The following PPHLN1 variants were observed in gnomAD, a reference collection of about 807,000 sequenced individuals.
PPHLN1 encodes the protein periphilin 1.
A neutral mutation model predicts 51.3 loss-of-function variants in PPHLN1; 29 were observed. The ratio of observed to expected loss-of-function variants is 0.57; its 90% CI spans 0.42 to 0.77. The LOEUF is 0.77. Among genes scored for constraint, PPHLN1 ranks in the 30% least tolerant of loss-of-function variants. The probability of loss-of-function intolerance (pLI) is 0.00; values close to 1 mark genes in which losing one functional copy is unlikely to be tolerated. For synonymous variants in PPHLN1, 147 were observed against 147.8 expected (o/e 0.99, Z 0.04); for missense variants, 436 against 438.4 (o/e 0.99, Z 0.05).
intron 2 of PPHLN1, among the ~76,000 whole-genome samples, chr12:42,344,090 A>C (rs2071904642): frequency 6.6e-6 from 1 of 152,116 alleles, no homozygotes; most frequent in Admixed American, 6.5e-5. Flanking sequence ...AGTAAAATAA[A>C]ATTGAGATAG....
intron 3 of PPHLN1, among the ~76,000 whole-genome samples, chr12:42,353,142 G>A (rs2073606049): frequency 6.6e-6 from 1 of 152,016 alleles, no homozygotes; most frequent in Non-Finnish European, 1.5e-5. Context: ...CTTCTCTTGA[G>A]CATTCTTAAT....
intron 2 of PPHLN1, among the ~76,000 whole-genome samples, chr12:42,350,488 A>G (rs7300622): frequency 0.99 from 148,824 of 150,172 alleles, 73,757 homozygotes; most frequent in Middle Eastern, 1. Flanking sequence ...AGAGTGGGCG[A>G]CTGGGCAGAG....
At chr12:42,358,428 T>C (rs887228529) in intron 4 of PPHLN1, among the ~76,000 whole-genome samples, 3 of 152,230 alleles carry the variant, frequency 2.0e-5, no homozygotes, top group African/African-American at 7.2e-5. Context: ...CAAAGTTCTG[T>C]CACCCAGGCT....
chr12:42,387,379 T>G, intron 6 of PPHLN1, 77 bp from the exon 7 acceptor site: 1 of 1,477,318 alleles, frequency 6.8e-7, no homozygotes, highest in Non-Finnish European at 9.2e-7. Context: ...GACCCCCACA[T>G]TAATTCCATT....
chr12:42,382,342 C>T (rs1211558063), intron 5 of PPHLN1, among the ~76,000 whole-genome samples: 1 of 152,118 alleles, frequency 6.6e-6, no homozygotes, highest in African/African-American at 2.4e-5. Context: ...TATTCTTTCA[C>T]TCATCAATAT....
chr12:42,328,047 A>C (rs1394698544), intron 1 of PPHLN1, among the ~76,000 whole-genome samples: 4 of 152,216 alleles, frequency 2.6e-5, no homozygotes, highest in Non-Finnish European at 5.9e-5. Flanking sequence ...AAGTGGGTCA[A>C]ACACAAGTCT....
chr12:42,424,084 A>C (rs530841480), intron 9 of PPHLN1, among the ~76,000 whole-genome samples: 18 of 152,340 alleles, frequency 1.2e-4, no homozygotes, highest in African/African-American at 4.3e-4. Context: ...CTATAACATC[A>C]TGATGGCGTT....
At chr12:42,369,277 G>A (rs2075574013) in intron 4 of PPHLN1, among the ~76,000 whole-genome samples, 2 of 152,070 alleles carry the variant, frequency 1.3e-5, no homozygotes, top group African/African-American at 2.4e-5. Flanking sequence ...GAAGTTCTCG[G>A]CATTTCATCC....
chr12:42,411,903 CAAAAAAA>C (rs1212289027), intron 9 of PPHLN1, among the ~76,000 whole-genome samples: 1 of 33,978 alleles, frequency 2.9e-5, no homozygotes, highest in Non-Finnish European at 5.0e-5. Flanking sequence ...GACTCAGTCT[CAAAAAAA>C]AAAAAAAAAA....
rs140769704 is a variant in PPHLN1, at chr12:42,440,875, G to A, written c.910-440G>A. Among the ~76,000 whole-genome samples, 405 of 152,266 alleles carry A rather than the reference G, an allele frequency of 2.7e-3. 1 individual carries two copies. Among genetic ancestry groups the A allele is most frequent in the African/African-American group, 9.2e-3 (382 of 41,550 alleles). Reference sequence around the variant, plus strand: ...CTAACAGGTGTGAGACACCGCACCCGGCCACTAAACAGAATTTGTTATCTG... The same window carrying A: ...CTAACAGGTGTGAGACACCGCACCCAGCCACTAAACAGAATTTGTTATCTG... On this transcript the variant is annotated intron_variant, in intron 9 of 9. Coordinates refer to ENST00000358314, the MANE Select transcript of PPHLN1 (RefSeq NM_201439.2).
At chr12:42,347,645 T>C (rs1382922965) in intron 2 of PPHLN1, among the ~76,000 whole-genome samples, 1 of 152,110 alleles carries the variant, frequency 6.6e-6, no homozygotes. Context: ...CTGGGCATGG[T>C]GGCATGCACC....
At chr12:42,425,547 C>G (rs1056821823) in intron 9 of PPHLN1, among the ~76,000 whole-genome samples, 1 of 150,494 alleles carries the variant, frequency 6.6e-6, no homozygotes, top group Non-Finnish European at 1.5e-5. Flanking sequence ...CCACCATGCT[C>G]AGTTAATTTT....
At chr12:42,429,775 T>C (rs1312803943) in intron 9 of PPHLN1, among the ~76,000 whole-genome samples, 1 of 152,216 alleles carries the variant, frequency 6.6e-6, no homozygotes, top group Admixed American at 6.5e-5. Context: ...GATTCATTAA[T>C]ATCTAACCCA....
rs756833208 is a variant in PPHLN1 at position 42,387,463 on chromosome 12, G to A, written c.576G>A (p.Glu192=). Residue 192 remains glutamate, a synonymous_variant, in exon 7 of 10, where the codon GAG becomes GAA. Transcript: ENST00000358314. The part of the protein sequence containing the change: ...QNEGNPERDK[E]RPVQSLKTSR... ...TTATGTTTTCTTATATAGATAAAGAGAGGCCTGTCCAGTCTTTGAAAACAT... is the reference window on the plus strand; with the variant it reads ...TTATGTTTTCTTATATAGATAAAGAAAGGCCTGTCCAGTCTTTGAAAACAT... The A allele has an allele frequency of 6.2e-7, 1 of 1,610,444 alleles. No homozygotes were observed. Among genetic ancestry groups the A allele is most frequent in the Non-Finnish European group, 8.5e-7 (1 of 1,178,902 alleles).
At chr12:42,424,220 AT>A (rs1434261424) in intron 9 of PPHLN1, among the ~76,000 whole-genome samples, 1 of 152,178 alleles carries the variant, frequency 6.6e-6, no homozygotes, top group Non-Finnish European at 1.5e-5. Context: ...CATGGTAGGT[AT>A]CTGGAGAAAG....
chr12:42,379,600 T>C (rs897377731), intron 5 of PPHLN1, among the ~76,000 whole-genome samples: 1 of 152,026 alleles, frequency 6.6e-6, no homozygotes, highest in African/African-American at 2.4e-5. Flanking sequence ...CACATTTCAT[T>C]ACTGGATTGT....
intron 4 of PPHLN1, among the ~76,000 whole-genome samples, chr12:42,356,355 G>C (rs1416250326): frequency 6.6e-6 from 1 of 152,220 alleles, no homozygotes; most frequent in Non-Finnish European, 1.5e-5. Flanking sequence ...CACAGATGGT[G>C]ACTGTGCACA....
In PPHLN1 at chr12:42,434,982, C is replaced by G. The variant is rs1053789903; in HGVS notation, c.910-6333C>G. 4.6e-5 allele frequency among the ~76,000 whole-genome samples: 7 copies of G among 152,186 alleles called. No individual in the cohort carries two copies. In the East Asian group the frequency reaches 1.4e-3, roughly 29 times the overall value. On this transcript the variant is annotated intron_variant, in intron 9 of 9. Transcript: ENST00000358314. ...TGCTGGGATTACAGGCGTGAGCCACCGCGCCCAGCCCTGTTTAGGTCTTAC... is the reference window on the plus strand; with the variant it reads ...TGCTGGGATTACAGGCGTGAGCCACGGCGCCCAGCCCTGTTTAGGTCTTAC...
At position 42,335,955 on chromosome 12, in the gene PPHLN1, C is replaced by T. The variant is rs756956080; in HGVS notation, c.53C>T (p.Pro18Leu). 2.5e-6 allele frequency: 4 copies of T among 1,584,106 alleles called. No individual in the cohort carries two copies. Among genetic ancestry groups the T allele is most frequent in the South Asian group, 1.2e-5 (1 of 86,346 alleles). ...EYERIPRERAPPRSHPSDGYN... is the reference protein window; with the variant it reads ...EYERIPRERALPRSHPSDGYN... ...GAAAGAATTCCGAGAGAACGAGCAC[C>T]TCCTCGAAGTCATCCCAGTGTAAGT... Residue 18 changes from proline to leucine, a missense_variant, in exon 2 of 10, where the codon CCT becomes CTT. Transcript: ENST00000358314.
Sources: gnomAD v4.1 joint callset for allele counts (sites outside exome capture counted in the v4.1 genomes callset) on GRCh38, gnomAD v4.1.1 for gene constraint, MANE v1.5 for transcripts, NCBI Gene and HGNC (gene_info 2026-07-23, HGNC 2026-07-21) for gene names.